Variants in CEP112 observed in about 807,000 individuals in gnomAD.
CEP112 encodes the protein centrosomal protein 112.
A neutral mutation model predicts 153.0 loss-of-function variants in CEP112; 127 were observed. That is an observed-to-expected ratio of 0.83 (90% CI 0.72 to 0.96). The LOEUF (loss-of-function observed/expected upper bound fraction) is 0.96, where lower values mean the gene tolerates loss of function less well. Ranked by LOEUF, CEP112 falls within the 40% of genes least tolerant of loss-of-function variation. The pLI, the probability that CEP112 is intolerant of heterozygous loss-of-function variation, is 0.00. For missense variants in CEP112, 1,089 were observed against 1,101.2 expected (o/e 0.99, Z 0.16); for synonymous variants, 358 against 374.4 (o/e 0.96, Z 0.51).
intron 21 of CEP112, among the ~76,000 whole-genome samples, chr17:65,782,169 T>TA (rs938406540): frequency 6.6e-6 from 1 of 151,460 alleles, no homozygotes; most frequent in Admixed American, 6.6e-5. Context: ...AACAACCTCA[T>TA]AAAAAATGGG....
intron 23 of CEP112, among the ~76,000 whole-genome samples, chr17:65,697,964 C>T (rs2048436789): frequency 2.6e-5 from 4 of 152,298 alleles, no homozygotes; most frequent in Non-Finnish European, 5.9e-5. Flanking sequence ...TAATTATTTT[C>T]CCCTATGGCT....
chr17:66,191,232 A>G lies in CEP112; in HGVS notation c.-9+765T>C, dbSNP rs2073151448. Among the ~76,000 whole-genome samples the G allele has an allele frequency of 6.6e-6, 1 of 152,178 alleles. No individual in the cohort carries two copies. The highest frequency in any genetic ancestry group is 6.5e-5 in the Admixed American group (1 of 15,270). ...TGGACAGTGACAGCTGGGCCTGAACACTGCACAAATTATTAATACCATGCA... is the reference window on the plus strand; with the variant it reads ...TGGACAGTGACAGCTGGGCCTGAACGCTGCACAAATTATTAATACCATGCA... On this transcript the variant is annotated intron_variant, in intron 1 of 26. Transcript: ENST00000535342. The surrounding 1 kb of genome is among the most constrained non-coding windows in gnomAD (Gnocchi z 4.2).
chr17:65,936,482 C>T (rs1249651786), intron 18 of CEP112, among the ~76,000 whole-genome samples: 1 of 152,070 alleles, frequency 6.6e-6, no homozygotes, highest in African/African-American at 2.4e-5. Flanking sequence ...ACATTACAGG[C>T]CAATATCCCT....
At position 65,735,533 on chromosome 17, in the gene CEP112, G is replaced by A. The variant is rs972065268; in HGVS notation, c.2607+7535C>T. On this transcript the variant is annotated intron_variant, in intron 23 of 26. Transcript: ENST00000535342. ...AAACCCAATGTAAGTAGAAAATATC[G>A]TTAAGGTGAAAATGTACTTAATATC... Among the ~76,000 whole-genome samples the A allele has an allele frequency of 3.4e-4, 47 of 137,294 alleles. 1 individual carries two copies. Among genetic ancestry groups the A allele is most frequent in the Admixed American group, 3.0e-3 (39 of 12,814 alleles). The allele number at this position is 137,294 out of a possible 152,430, so 90.1% of individuals were successfully genotyped here. A position where few individuals can be genotyped will look rare whatever the true frequency, so the allele number is the denominator to read the frequency against.
chr17:65,861,867 A>G (rs1428178864), intron 20 of CEP112, among the ~76,000 whole-genome samples: 1 of 152,188 alleles, frequency 6.6e-6, no homozygotes, highest in Non-Finnish European at 1.5e-5. Flanking sequence ...TTCATAAGCT[A>G]TATCTGTTGA....
rs979646190 is a variant in CEP112 at position 66,076,093 on chromosome 17, A to G, written c.769-6092T>C. Among the ~76,000 whole-genome samples, 14 of 152,212 alleles carry G rather than the reference A, an allele frequency of 9.2e-5. 1 individual carries two copies. Among genetic ancestry groups the G allele is most frequent in the Middle Eastern group, 3.2e-3 (1 of 316 alleles). ...CCCAAGCAGGCCATTCCTGCCTGGT[A>G]CCACAGGGACCTTTTGCGAGGGCAG... On this transcript the variant is annotated intron_variant, in intron 8 of 26. Transcript: ENST00000535342.
intron 23 of CEP112, among the ~76,000 whole-genome samples, chr17:65,739,078 A>G (rs1465369692): frequency 1.3e-5 from 2 of 152,246 alleles, no homozygotes; most frequent in African/African-American, 4.8e-5. Flanking sequence ...TCTCTTTGAC[A>G]TCAGCTACTA....
intron 23 of CEP112, among the ~76,000 whole-genome samples, chr17:65,689,804 A>T (rs1205035108): frequency 6.6e-6 from 1 of 152,158 alleles, no homozygotes; most frequent in Non-Finnish European, 1.5e-5. Flanking sequence ...TAATATGGGA[A>T]ATGGAAACCA....
chr17:66,122,053 C>A (rs1225141645), intron 6 of CEP112, among the ~76,000 whole-genome samples: 2 of 152,010 alleles, frequency 1.3e-5, no homozygotes, highest in Non-Finnish European at 2.9e-5. Flanking sequence ...CACCACCATG[C>A]CCAAATAATT....
At chr17:66,075,300 A>G (rs1295020932) in intron 8 of CEP112, among the ~76,000 whole-genome samples, 3 of 152,300 alleles carry the variant, frequency 2.0e-5, no homozygotes, top group African/African-American at 7.2e-5. Flanking sequence ...AAGTTATTAG[A>G]TTTATGAGGT....
intron 23 of CEP112, among the ~76,000 whole-genome samples, chr17:65,722,906 G>A (rs2049972687): frequency 6.6e-6 from 1 of 152,188 alleles, no homozygotes; most frequent in Non-Finnish European, 1.5e-5. Context: ...AGGTCAAGAA[G>A]TGAAATGGTA....
At chr17:66,168,747 T>C (rs565191704) in intron 4 of CEP112, among the ~76,000 whole-genome samples, 1 of 152,272 alleles carries the variant, frequency 6.6e-6, no homozygotes, top group Admixed American at 6.5e-5. Context: ...TCCACATCCT[T>C]ACCATTCCTG....
chr17:65,750,858 C>A, intron 21 of CEP112, 134 bp from the exon 22 acceptor site: 2 of 670,970 alleles, frequency 3.0e-6, no homozygotes, highest in Non-Finnish European at 2.6e-6. Flanking sequence ...AACCACAGGG[C>A]TTGTCTTTGA....
rs559416618 is a variant in CEP112, at chr17:65,936,847, G to A, written c.1873-9158C>T. 9.6e-4 allele frequency among the ~76,000 whole-genome samples: 107 copies of A among 111,382 alleles called. 1 individual carries two copies. The highest frequency in any genetic ancestry group is 7.6e-3 in the South Asian group (19 of 2,492). 73.1% of individuals were successfully genotyped at this position (111,382 alleles called of 152,430 possible). On this transcript the variant is annotated intron_variant, in intron 18 of 26. Coordinates refer to ENST00000535342, the MANE Select transcript of CEP112 (RefSeq NM_001199165.4). ...GGTCTCCCTCTCCCTCTCTTTCCACGGTCTCCCTCTGATGCCGAGCCGAAG... is the reference window on the plus strand; with the variant it reads ...GGTCTCCCTCTCCCTCTCTTTCCACAGTCTCCCTCTGATGCCGAGCCGAAG...
At chr17:65,972,627 C>A (rs4528613) in intron 17 of CEP112, among the ~76,000 whole-genome samples, 72,711 of 151,648 alleles carry the variant, frequency 0.48, 18,367 homozygotes, top group East Asian at 0.89. Flanking sequence ...ATTGATAAAC[C>A]TCTAGCTAGG....
chr17:66,017,071 G>A (rs2064805262), intron 16 of CEP112, among the ~76,000 whole-genome samples: 1 of 152,190 alleles, frequency 6.6e-6, no homozygotes, highest in Non-Finnish European at 1.5e-5. Flanking sequence ...ATCAGTATAT[G>A]TGAAACATTA....
intron 23 of CEP112, among the ~76,000 whole-genome samples, chr17:65,740,292 AAATAAATAACT>A (rs1415900425): frequency 8.5e-5 from 13 of 152,216 alleles, no homozygotes; most frequent in Non-Finnish European, 1.8e-4. Context: ...AAGAGGAGCT[AAATAAATAACT>A]ATTGACTGAA....
At chr17:65,870,079 A>AAGAG (rs1479944865) in intron 20 of CEP112, among the ~76,000 whole-genome samples, 1 of 151,622 alleles carries the variant, frequency 6.6e-6, no homozygotes, top group African/African-American at 2.4e-5. Context: ...GAAAGAAAGA[A>AAGAG]AGAAAAGAAA....
chr17:65,997,568 T>C (rs35688275), intron 17 of CEP112, among the ~76,000 whole-genome samples: 62,523 of 152,118 alleles, frequency 0.41, 14,330 homozygotes, highest in East Asian at 0.87. Context: ...AAAATATATG[T>C]AAAACATAAA....
Sources: gnomAD v4.1 joint callset for allele counts (sites outside exome capture counted in the v4.1 genomes callset) on GRCh38, gnomAD v4.1.1 for gene constraint, Gnocchi (gnomAD v3.1) non-coding constraint, MANE v1.5 for transcripts, NCBI Gene and HGNC (gene_info 2026-07-23, HGNC 2026-07-21) for gene names.